Variants in HPSE2 observed in about 807,000 individuals in gnomAD.
HPSE2 encodes the protein inactive heparanase-2.
In HPSE2, 38 loss-of-function variants were observed where a neutral mutation model predicts 60.5. The observed-to-expected ratio is 0.63, with a 90% CI of 0.48 to 0.82. The LOEUF is 0.82. Ranked by LOEUF, HPSE2 falls within the 40% of genes least tolerant of loss-of-function variation. The pLI is 0.00. For missense variants in HPSE2, 713 were observed against 740.4 expected (o/e 0.96, Z 0.43); for synonymous variants, 295 against 293.2 (o/e 1.01, Z -0.06).
intron 9 of HPSE2, among the ~76,000 whole-genome samples, chr10:98,581,392 T>C (rs1564986110): frequency 6.6e-6 from 1 of 152,220 alleles, no homozygotes; most frequent in Non-Finnish European, 1.5e-5. Context: ...CAACTTAGTG[T>C]GGGCTTTAGA....
At chr10:99,237,566 G>A (rs545930231), upstream of HPSE2, among the ~76,000 whole-genome samples, 5 of 152,302 alleles carry the variant, frequency 3.3e-5, no homozygotes, top group African/African-American at 9.6e-5. Flanking sequence ...AAATAGGACT[G>A]CATAAGATGA....
chr10:99,190,620 T>C (rs779315402), intron 2 of HPSE2, among the ~76,000 whole-genome samples: 1 of 152,262 alleles, frequency 6.6e-6, no homozygotes, highest in Non-Finnish European at 1.5e-5. Flanking sequence ...GCATGTTCTA[T>C]GGAAAATGGA....
At chr10:98,577,601 G>A (rs547863243) in intron 9 of HPSE2, among the ~76,000 whole-genome samples, 1 of 152,122 alleles carries the variant, frequency 6.6e-6, no homozygotes, top group African/African-American at 2.4e-5. Flanking sequence ...ACTTTGGAGA[G>A]GTATTTTTCT....
At chr10:98,542,758 C>T (rs1389662873) in intron 9 of HPSE2, among the ~76,000 whole-genome samples, 358 of 151,006 alleles carry the variant, frequency 2.4e-3, no homozygotes, top group Non-Finnish European at 2.9e-3. Flanking sequence ...TGAAATGAAG[C>T]GAGAAGGGAA....
intron 3 of HPSE2, among the ~76,000 whole-genome samples, chr10:98,987,338 C>G (rs145355155): frequency 0.01 from 1,523 of 152,232 alleles, 25 homozygotes; most frequent in African/African-American, 0.034. Flanking sequence ...AAGGCTGGTT[C>G]AACACAAGCA....
At chr10:99,018,538 G>A (rs1176957076) in intron 3 of HPSE2, among the ~76,000 whole-genome samples, 1 of 152,192 alleles carries the variant, frequency 6.6e-6, no homozygotes, top group Non-Finnish European at 1.5e-5. Context: ...CCAATTTGCT[G>A]TTAATGGTAG....
chr10:98,554,791 T>C (rs1342320972), intron 9 of HPSE2, among the ~76,000 whole-genome samples: 2 of 152,234 alleles, frequency 1.3e-5, no homozygotes, highest in Non-Finnish European at 2.9e-5. Context: ...GTCTTGGTTC[T>C]GCCTTGGGTA....
At chr10:99,255,706 A>T in the HPSE2 span, among the ~76,000 whole-genome samples, 1 of 152,186 alleles carries the variant, frequency 6.6e-6, no homozygotes, top group African/African-American at 2.4e-5. Context: ...ATAAAGAGCA[A>T]CTATGAAAAA....
At chr10:99,047,190 T>C (rs1957875889) in intron 3 of HPSE2, among the ~76,000 whole-genome samples, 1 of 152,146 alleles carries the variant, frequency 6.6e-6, no homozygotes, top group Non-Finnish European at 1.5e-5. Context: ...CATCTGATCT[T>C]TGACAAGGCT....
intron 9 of HPSE2, among the ~76,000 whole-genome samples, chr10:98,536,115 T>G (rs929313248): frequency 6.6e-6 from 1 of 152,228 alleles, no homozygotes; most frequent in Non-Finnish European, 1.5e-5. Context: ...TAGGAAGTCC[T>G]GCATGGACAG....
intron 5 of HPSE2, among the ~76,000 whole-genome samples, chr10:98,705,919 TA>T (rs1190589934): frequency 1.3e-5 from 2 of 152,178 alleles, no homozygotes; most frequent in African/African-American, 4.8e-5. Flanking sequence ...GAACTTAAAG[TA>T]AAATTCAAAA....
chr10:98,739,794 T>C (rs1033017043), intron 4 of HPSE2, among the ~76,000 whole-genome samples: 6 of 152,182 alleles, frequency 3.9e-5, no homozygotes, highest in African/African-American at 1.2e-4. Context: ...GCAGATATAT[T>C]TGGGAAGCAC....
chr10:98,537,493 A>G (rs1049495109), intron 9 of HPSE2, among the ~76,000 whole-genome samples: 7 of 152,258 alleles, frequency 4.6e-5, no homozygotes, highest in African/African-American at 1.7e-4. Flanking sequence ...TATTATAAAC[A>G]TTATTAATCA....
intron 3 of HPSE2, among the ~76,000 whole-genome samples, chr10:98,941,734 A>T (rs1955009862): frequency 7.3e-6 from 1 of 136,346 alleles, no homozygotes; most frequent in Non-Finnish European, 1.5e-5. Flanking sequence ...AACTACTTTA[A>T]AGTTCATATG....
chr10:98,674,299 T>A (rs1468619445), intron 6 of HPSE2, among the ~76,000 whole-genome samples: 1 of 152,178 alleles, frequency 6.6e-6, no homozygotes, highest in Non-Finnish European at 1.5e-5. Flanking sequence ...TCCAATTACA[T>A]AAAATCTCCC....
intron 9 of HPSE2, among the ~76,000 whole-genome samples, chr10:98,507,531 T>C (rs1337519670): frequency 6.6e-6 from 1 of 152,142 alleles, no homozygotes; most frequent in East Asian, 1.9e-4. Flanking sequence ...TGGCTGATAG[T>C]GGGTTGAAAG....
At chr10:98,629,272 C>T (rs1395631459) in intron 7 of HPSE2, among the ~76,000 whole-genome samples, 1 of 152,196 alleles carries the variant, frequency 6.6e-6, no homozygotes, top group Non-Finnish European at 1.5e-5. Context: ...TGGAAATCAA[C>T]CTTCCCCAGA....
At chr10:99,244,471 A>C in the HPSE2 span, among the ~76,000 whole-genome samples, 1 of 148,366 alleles carries the variant, frequency 6.7e-6, no homozygotes, top group Non-Finnish European at 1.5e-5. Flanking sequence ...CAATGGTGTG[A>C]TCATGGCTCA....
chr10:98,814,065 T>C (rs1010445283), intron 3 of HPSE2, among the ~76,000 whole-genome samples: 1 of 152,180 alleles, frequency 6.6e-6, no homozygotes, highest in Admixed American at 6.5e-5. Flanking sequence ...TGCAAGTAAG[T>C]AGTGGAGCAA....
Sources: allele counts gnomAD v4.1 joint callset (sites outside exome capture counted in the v4.1 genomes callset), GRCh38; gene constraint gnomAD v4.1.1; transcripts MANE v1.5; gene names NCBI Gene and HGNC (gene_info 2026-07-23, HGNC 2026-07-21).